The following TPD52L1 variants were observed in gnomAD, a reference collection of about 807,000 sequenced individuals.
TPD52L1 encodes TPD52 like 1.
In TPD52L1, 18 loss-of-function variants were observed where a neutral mutation model predicts 28.7. The ratio of observed to expected loss-of-function variants is 0.63; its 90% confidence interval spans 0.43 to 0.93. TPD52L1 has a LOEUF of 0.93. TPD52L1 is among the 40% of genes least tolerant of loss of function. TPD52L1 has a pLI of 0.00. For missense variants in TPD52L1, 203 were observed against 254.8 expected (o/e 0.80, Z 1.39); for synonymous variants, 75 against 88.8 (o/e 0.84, Z 0.88).
intron 4 of TPD52L1, chr6:125,252,915 A>G (rs1797365494): frequency 6.6e-6 from 1 of 152,248 alleles, no homozygotes. Flanking sequence ...CCTTGAGAGA[A>G]GAGAAAGCAG....
At chr6:125,205,606 T>A (rs969614148) in intron 1 of TPD52L1, among the ~76,000 whole-genome samples, 5 of 152,216 alleles carry the variant, frequency 3.3e-5, no homozygotes. Context: ...CTTATGTATA[T>A]TCCTGAAACC....
chr6:125,177,947 T>C (rs764283099), intron 1 of TPD52L1, among the ~76,000 whole-genome samples: 2 of 152,196 alleles, frequency 1.3e-5, no homozygotes, highest in Non-Finnish European at 2.9e-5. Context: ...AAGCTAAGTA[T>C]ATAAAAAGTG....
At chr6:125,198,661 A>C (rs1171706201) in intron 1 of TPD52L1, among the ~76,000 whole-genome samples, 1 of 152,244 alleles carries the variant, frequency 6.6e-6, no homozygotes, top group Non-Finnish European at 1.5e-5. Flanking sequence ...TCTTTGGCAC[A>C]GTGCCTAACA....
At chr6:125,237,620 A>T (rs1390578640) in intron 3 of TPD52L1, among the ~76,000 whole-genome samples, 1 of 152,142 alleles carries the variant, frequency 6.6e-6, no homozygotes, top group East Asian at 1.9e-4. Flanking sequence ...ATTCTGAATC[A>T]CAGTCCATAG....
At chr6:125,220,233 G>C in intron 2 of TPD52L1, 40 bp downstream of exon 2, 1 of 1,278,222 alleles carries the variant, frequency 7.8e-7, no homozygotes, top group South Asian at 1.2e-5. Context: ...TCTATCTCTG[G>C]ATCTTAAGAG....
intron 1 of TPD52L1, among the ~76,000 whole-genome samples, chr6:125,175,098 T>C (rs1357465796): frequency 6.6e-6 from 1 of 152,214 alleles, no homozygotes; most frequent in Non-Finnish European, 1.5e-5. Context: ...CATTTTATAT[T>C]ATGCATAATC....
intron 1 of TPD52L1, among the ~76,000 whole-genome samples, chr6:125,200,478 A>T (rs1310802213): frequency 1.3e-5 from 2 of 152,184 alleles, no homozygotes; most frequent in South Asian, 2.1e-4. Context: ...TACAAATTTT[A>T]AAAAAATTAA....
intron 1 of TPD52L1, among the ~76,000 whole-genome samples, chr6:125,203,362 G>C (rs1018199650): frequency 6.6e-6 from 1 of 151,956 alleles, no homozygotes; most frequent in African/African-American, 2.4e-5. Context: ...CTGTGTTCTT[G>C]TGACTTTTTG....
intron 3 of TPD52L1, among the ~76,000 whole-genome samples, chr6:125,241,842 ATT>A (rs969277826): frequency 7.8e-6 from 1 of 128,086 alleles, no homozygotes. Context: ...GATCTTTGTT[ATT>A]TTTTTTTTTC....
intron 1 of TPD52L1, among the ~76,000 whole-genome samples, chr6:125,208,062 T>C (rs73577771): frequency 0.013 from 1,999 of 152,328 alleles, 8 homozygotes; most frequent in African/African-American, 0.019. Flanking sequence ...CAGTTATCCC[T>C]TTTTCAATAT....
chr6:125,247,623 T>G (rs1797000820), intron 3 of TPD52L1, among the ~76,000 whole-genome samples: 1 of 152,168 alleles, frequency 6.6e-6, no homozygotes, highest in Non-Finnish European at 1.5e-5. Flanking sequence ...CTTTATCCCT[T>G]TGTCAGAGAC....
At chr6:125,246,818 A>C (rs1796949367) in intron 3 of TPD52L1, among the ~76,000 whole-genome samples, 1 of 151,602 alleles carries the variant, frequency 6.6e-6, no homozygotes, top group African/African-American at 2.4e-5. Flanking sequence ...TAGTCACCAG[A>C]TTCTTCCTTG....
chr6:125,202,289 G>A (rs1401901683), intron 1 of TPD52L1, among the ~76,000 whole-genome samples: 5 of 151,898 alleles, frequency 3.3e-5, no homozygotes, highest in Non-Finnish European at 7.4e-5. Context: ...ATCTTTCATT[G>A]TCAAGAAAAT....
chr6:125,176,325 C>A (rs1370613856), intron 1 of TPD52L1, among the ~76,000 whole-genome samples: 1 of 152,192 alleles, frequency 6.6e-6, no homozygotes, highest in Non-Finnish European at 1.5e-5. Context: ...CTGAACTCAA[C>A]TTGTAAAAGG....
intron 1 of TPD52L1, chr6:125,219,740 C>T (rs1047414652): frequency 5.7e-6 from 2 of 348,148 alleles, no homozygotes; most frequent in Non-Finnish European, 1.1e-5. Flanking sequence ...CATGGGCGGG[C>T]CTTGGGCTTT....
At chr6:125,173,134 G>T (rs1233945940) in intron 1 of TPD52L1, among the ~76,000 whole-genome samples, 1 of 152,060 alleles carries the variant, frequency 6.6e-6, no homozygotes, top group Non-Finnish European at 1.5e-5. Context: ...CTCCCTGGTG[G>T]CCTGGCTGCT....
intron 1 of TPD52L1, among the ~76,000 whole-genome samples, chr6:125,165,332 G>T (rs1790822468): frequency 6.6e-6 from 1 of 151,970 alleles, no homozygotes; most frequent in African/African-American, 2.4e-5. Context: ...AGGGAAGGCA[G>T]GAGAATATTT....
At chr6:125,155,959 T>G (rs1376073821) in intron 1 of TPD52L1, among the ~76,000 whole-genome samples, 1 of 152,126 alleles carries the variant, frequency 6.6e-6, no homozygotes, top group Non-Finnish European at 1.5e-5. Context: ...TACAGCCAGA[T>G]AGGTAAAAAG....
chr6:125,186,629 C>T (rs1329836021), intron 1 of TPD52L1, among the ~76,000 whole-genome samples: 1 of 152,152 alleles, frequency 6.6e-6, no homozygotes, highest in Admixed American at 6.5e-5. Context: ...GTTATGATAA[C>T]TATAAGCGGA....
Sources: gnomAD v4.1 joint callset for allele counts (sites outside exome capture counted in the v4.1 genomes callset) on GRCh38, gnomAD v4.1.1 for gene constraint, MANE v1.5 for transcripts, NCBI Gene and HGNC (gene_info 2026-07-23, HGNC 2026-07-21) for gene names.